PTPN18: variants seen among roughly 807,000 people sequenced by gnomAD.
PTPN18 encodes tyrosine-protein phosphatase non-receptor type 18.
Under a neutral mutation model 65.4 loss-of-function variants are expected in PTPN18, and 65 were observed. The observed-to-expected ratio is 0.99, with a 90% CI of 0.81 to 1.22. The LOEUF (loss-of-function observed/expected upper bound fraction) is 1.22. PTPN18 is among the 50% of genes most tolerant of loss of function. The probability of loss-of-function intolerance (pLI) is 0.00; values close to 1 mark genes in which losing one functional copy is unlikely to be tolerated. For missense variants in PTPN18, 616 were observed against 646.5 expected, an observed-to-expected ratio of 0.95 and a Z score of 0.51; for synonymous variants, 255 against 267.8, an observed-to-expected ratio of 0.95 and a Z score of 0.47.
In PTPN18 at chr2:130,373,532, T is replaced by A. The variant is rs1224887619; in HGVS notation, c.*308T>A. ...GATGAGCTTCCGGAGACTGCTCTCC[T>A]CACCACACAGCACTAGTCCATCCTC... On this transcript the variant is annotated 3_prime_UTR_variant, in exon 15 of 15. Transcript: ENST00000175756. This position sits in a 1 kb window ranked among gnomAD's most constrained non-coding sequence, Gnocchi z 4.1. The A allele has an allele frequency of 1.9e-5, 5 of 259,066 alleles. No individual in the cohort carries two copies. 16.0% of individuals were successfully genotyped at this position (259,066 alleles called of 1,614,324 possible). A position where few individuals can be genotyped will look rare whatever the true frequency, so the allele number is the denominator to read the frequency against.
At position 130,369,693 on chromosome 2, in the gene PTPN18, T is replaced by C. The variant is rs1283865560; in HGVS notation, c.484-72T>C. On this transcript the variant is annotated intron_variant, in intron 6 of 14. Coordinates refer to ENST00000175756, the MANE Select transcript of PTPN18 (RefSeq NM_014369.4). ...TTTTAATCAGGAATGCTTTGCTTTC[T>C]ATAAATGTCTTCTGGTACCTATGAT... The C allele has an allele frequency of 7.0e-6, 10 of 1,437,696 alleles. No individual in the cohort carries two copies. The African/African-American group carries it at 8.5e-5, about 12-fold the overall frequency. 89.1% of individuals were successfully genotyped at this position (1,437,696 alleles called of 1,614,324 possible). A position where few individuals can be genotyped will look rare whatever the true frequency, so the allele number is the denominator to read the frequency against.
At chr2:130,371,386 A>G in intron 12 of PTPN18, 99 bp downstream of exon 12, 6 of 1,041,906 alleles carry the variant, frequency 5.8e-6, no homozygotes, top group Non-Finnish European at 8.3e-6. Context: ...CACTTCGCCA[A>G]GTGTTCGCTG....
intron 5 of PTPN18, among the ~76,000 whole-genome samples, chr2:130,365,442 G>A (rs527565476): frequency 3.3e-5 from 5 of 152,274 alleles, no homozygotes; most frequent in African/African-American, 7.2e-5. Flanking sequence ...GCTATTTGGG[G>A]TTGTCTTTTT....
chr2:130,356,347 A>G, intron 1 of PTPN18, 147 bp downstream of exon 1: 1 of 593,858 alleles, frequency 1.7e-6, no homozygotes, highest in Non-Finnish European at 2.7e-6. Context: ...TTCTCTCCCC[A>G]GCACTTCTCT....
chr2:130,359,296 G>T lies in PTPN18; in HGVS notation c.266G>T (p.Gly89Val). 1 of 1,614,192 alleles carries T rather than the reference G, an allele frequency of 6.2e-7. No individual in the cohort carries two copies. The highest frequency in any genetic ancestry group is 8.5e-7 in the Non-Finnish European group (1 of 1,180,020). Residue 89 changes from glycine to valine, a missense_variant, in exon 3 of 15, where the codon GGC becomes GTC. Coordinates refer to ENST00000175756, the MANE Select transcript of PTPN18 (RefSeq NM_014369.4). Reference protein sequence around the residue: ...QEEGHSDYINGNFIRGVDGSL... With the variant: ...QEEGHSDYINVNFIRGVDGSL... The stretch of plus-strand genomic sequence containing the variant: ...GAGGGACACAGCGACTACATTAATG[G>T]CAACTTCATCCGGGTGAGGGTTGGG...
chr2:130,361,399 C>G (rs1434818712), intron 5 of PTPN18, among the ~76,000 whole-genome samples: 1 of 152,088 alleles, frequency 6.6e-6, no homozygotes, highest in African/African-American at 2.4e-5. Flanking sequence ...AGGATTATGT[C>G]TTCCTAATGA....
chr2:130,372,641 C>G, intron 13 of PTPN18, 158 bp downstream of exon 13: 2 of 1,071,648 alleles, frequency 1.9e-6, no homozygotes, highest in Non-Finnish European at 2.6e-6. Flanking sequence ...CTGGCCACGC[C>G]CCGGAAGCGC....
At chr2:130,359,839 T>C in intron 5 of PTPN18, 193 bp downstream of exon 5, 1 of 674,904 alleles carries the variant, frequency 1.5e-6, no homozygotes, top group South Asian at 1.9e-5. Context: ...GCAACCCCTC[T>C]CCTGCTGGGC....
intron 5 of PTPN18, among the ~76,000 whole-genome samples, chr2:130,360,207 C>A (rs1349352583): frequency 1.1e-4 from 16 of 152,238 alleles, no homozygotes; most frequent in Non-Finnish European, 5.9e-5. Flanking sequence ...CTTATGAACT[C>A]CTAACACACT....
chr2:130,368,840 C>A (rs1680464830), intron 5 of PTPN18: 1 of 256,994 alleles, frequency 3.9e-6, no homozygotes, highest in South Asian at 6.9e-5. Context: ...TACTGCAACA[C>A]CTGCCAACCA....
Position 130,359,422 on chromosome 2 carries a change from T to G in PTPN18, c.305T>G (p.Ile102Ser). ...IRGVDGSLAY[I>S]ATQGPLPHTL... Reference sequence around the variant, plus strand: ...GGCGTGGATGGAAGCCTGGCCTACATTGCCACGCAAGGACCCTTGCCTCAC... The same window carrying G: ...GGCGTGGATGGAAGCCTGGCCTACAGTGCCACGCAAGGACCCTTGCCTCAC... The change falls in exon 4 of 15, where the codon ATT (isoleucine) becomes AGT (serine). Residue 102 changes from isoleucine to serine, a missense_variant. This residue lies in a region of PTPN18 where 223 missense variants were observed against 210.0 expected (regional missense o/e 1.06). Coordinates refer to ENST00000175756, the MANE Select transcript of PTPN18 (RefSeq NM_014369.4). 1.2e-6 allele frequency: 2 copies of G among 1,614,166 alleles called. No individual in the cohort carries two copies. The highest frequency in any genetic ancestry group is 1.7e-6 in the Non-Finnish European group (2 of 1,180,018).
rs765276900 is a variant in PTPN18, at chr2:130,372,855, G to T, written c.1241-18G>T. On this transcript the variant is annotated intron_variant, in intron 13 of 14. Coordinates refer to ENST00000175756, the MANE Select transcript of PTPN18 (RefSeq NM_014369.4). ...TGGGGCTTCCGGAGCTGACCCGTGG[G>T]GGGTCTGCTGCCCTCAGTTCCTGCT... The T allele has an allele frequency of 1.2e-6, 2 of 1,613,636 alleles. No individual in the cohort carries two copies. The highest frequency in any genetic ancestry group is 1.7e-6 in the Non-Finnish European group (2 of 1,179,746).
In PTPN18 at chr2:130,370,988, T is replaced by C. The variant is rs375614201; in HGVS notation, c.924+24T>C. 10 of 1,605,496 alleles carry C rather than the reference T, an allele frequency of 6.2e-6. No individual in the cohort carries two copies. The African/African-American group carries it at 1.1e-4, about 17-fold the overall frequency. The stretch of plus-strand genomic sequence containing the variant: ...AGGTACAGAGGCTCCTTTCCCACTC[T>C]CCTGTCCACCATCAGCACCCTCAGA... On this transcript the variant is annotated intron_variant, in intron 11 of 14. Transcript: ENST00000175756.
In PTPN18 at chr2:130,372,466, G is replaced by T; in HGVS notation, c.1223G>T (p.Gly408Val). Reference sequence around the variant, plus strand: ...GGGGCGCACGCGGAGGACGCGAGGGGGACGCTGCCTGGCCGCGGTGAGTCG... The same window carrying T: ...GGGGCGCACGCGGAGGACGCGAGGGTGACGCTGCCTGGCCGCGGTGAGTCG... ...RPGAHAEDAR[G>V]TLPGRVPADQ... Residue 408 changes from glycine (G) to valine (V), a missense_variant, in exon 13 of 15, where the codon GGG (glycine) becomes GTG (valine). By Grantham distance (109) the Gly-to-Val change is moderately radical. Coordinates refer to ENST00000175756, the MANE Select transcript of PTPN18 (RefSeq NM_014369.4). 1 of 1,373,116 alleles carries T rather than the reference G, an allele frequency of 7.3e-7. No individual in the cohort carries two copies. Among genetic ancestry groups the T allele is most frequent in the Middle Eastern group, 2.3e-4 (1 of 4,280 alleles). 85.1% of individuals were successfully genotyped at this position (1,373,116 alleles called of 1,614,324 possible). A position where few individuals can be genotyped will look rare whatever the true frequency, so the allele number is the denominator to read the frequency against.
chr2:130,372,774 TC>T (rs1680617595), intron 13 of PTPN18, 98 bp from the exon 14 acceptor site: 1 of 1,427,990 alleles, frequency 7.0e-7, no homozygotes, highest in South Asian at 1.2e-5. Context: ...CCCTCGGCTC[TC>T]CCCTTCGGGC....
In PTPN18 at chr2:130,374,476, T is replaced by C; in HGVS notation, c.*1252T>C. ...AGCCACCAGGCTCAGCCCCCTAAGA[T>C]TTGAAACACTTTAAATGGCCCATGG... is the stretch of plus-strand genomic sequence containing the variant. On this transcript the variant is annotated 3_prime_UTR_variant, in exon 15 of 15. Coordinates refer to ENST00000175756, the MANE Select transcript of PTPN18 (RefSeq NM_014369.4). 1 of 365,242 alleles carries C rather than the reference T, an allele frequency of 2.7e-6. No homozygotes were observed. Among genetic ancestry groups the C allele is most frequent in the South Asian group, 2.0e-5 (1 of 49,718 alleles). 22.6% of individuals were successfully genotyped at this position (365,242 alleles called of 1,614,324 possible).
chr2:130,370,474 A>G (rs1227149667), intron 8 of PTPN18, 83 bp from the exon 9 acceptor site: 3 of 1,492,448 alleles, frequency 2.0e-6, no homozygotes, highest in African/African-American at 2.8e-5. Context: ...ATCCATCAGG[A>G]CCCTCACCCC....
Position 130,359,245 on chromosome 2 carries a change from G to T in PTPN18, c.215G>T (p.Arg72Leu), listed in dbSNP as rs199586116. The T allele has an allele frequency of 6.2e-7, 1 of 1,614,006 alleles. No homozygotes were observed. Among genetic ancestry groups the T allele is most frequent in the Non-Finnish European group, 8.5e-7 (1 of 1,179,994 alleles). ...YKDVLPYDQTRVILSLLQEEG... is the reference protein window; with the variant it reads ...YKDVLPYDQTLVILSLLQEEG... ...TATCTGCTGACAGATGATCAGACGCGAGTAATCCTCTCCCTGCTCCAGGAA... is the reference window on the plus strand; with the variant it reads ...TATCTGCTGACAGATGATCAGACGCTAGTAATCCTCTCCCTGCTCCAGGAA... The change falls in exon 3 of 15, where the codon CGA (arginine) becomes CTA (leucine). Residue 72 changes from arginine to leucine, a missense_variant. Physicochemically the swap from Arg to Leu is moderately radical, Grantham distance 102. Around this residue, in one of 3 missense-constraint regions of PTPN18, gnomAD observed 223 missense variants for 210.0 expected, o/e 1.06. Transcript: ENST00000175756.
rs536687279 is a variant in PTPN18 at position 130,359,754 on chromosome 2, C to G, written c.414+108C>G. The G allele has an allele frequency of 2.6e-5, 34 of 1,324,564 alleles. No homozygotes were observed. The South Asian group carries it at 4.0e-4, about 16-fold the overall frequency. The allele number at this position is 1,324,564 out of a possible 1,614,324, so 82.1% of individuals were successfully genotyped here. A position where few individuals can be genotyped will look rare whatever the true frequency, so the allele number is the denominator to read the frequency against. On this transcript the variant is annotated intron_variant, in intron 5 of 14. Coordinates refer to ENST00000175756, the MANE Select transcript of PTPN18 (RefSeq NM_014369.4). ...CCCGAGGGTCCAGCTCTTGGAGTGA[C>G]CTTATTGTAGCTCTGTGGGAAGCCC...
Sources: gnomAD v4.1 joint callset for allele counts (sites outside exome capture counted in the v4.1 genomes callset) on GRCh38, gnomAD v4.1.1 for gene constraint, gnomAD v4.1.1 regional missense constraint, Gnocchi (gnomAD v3.1) non-coding constraint, MANE v1.5 for transcripts, NCBI Gene and HGNC (gene_info 2026-07-23, HGNC 2026-07-21) for gene names.